ZBTB34: variants seen among roughly 807,000 people sequenced by gnomAD.
ZBTB34 encodes the protein zinc finger and BTB domain containing 34, also known as zinc finger and BTB domain-containing protein 34.
In ZBTB34, 1 loss-of-function variant was observed where a neutral mutation model predicts 33.4. The ratio of observed to expected loss-of-function variants is 0.03; its 90% CI spans 0.01 to 0.14. The LOEUF is 0.14. Among genes scored for constraint, ZBTB34 ranks in the 10% least tolerant of loss-of-function variants. ZBTB34 has a pLI of 1.00. For synonymous variants in ZBTB34, 283 were observed against 253.5 expected (o/e 1.12, Z -1.11); for missense variants, 406 against 657.2 (o/e 0.62, Z 4.18).
At chr9:126,871,180 GGGGTGT>G (rs1387810622) in intron 1 of ZBTB34, among the ~76,000 whole-genome samples, 4,365 of 68,988 alleles carry the variant, frequency 0.063, 102 homozygotes, top group Middle Eastern at 0.13. Flanking sequence ...GTAAGTGAGG[GGGGTGT>G]GTGTGTGTGT....
In ZBTB34 at chr9:126,877,052, G is replaced by T. The variant is rs1430905704; in HGVS notation, c.-10-2338G>T. ...TTAGTTATTTTCCTACTGTCTTTGG[G>T]CATCATTTGTTTTTCCTTTTCTGAC... On this transcript the variant is annotated intron_variant, in intron 1 of 1. Transcript: ENST00000319119. Among the ~76,000 whole-genome samples, 11 of 152,176 alleles carry T rather than the reference G, an allele frequency of 7.2e-5. No homozygotes were observed. In the East Asian group the frequency reaches 2.1e-3, roughly 29 times the overall value.
rs779656491 is a variant in ZBTB34 at position 126,880,494 on chromosome 9, G to A, written c.1095G>A (p.Ala365=). The change falls in exon 2 of 2, where the codon GCG becomes GCA. Residue 365 remains alanine (A), a synonymous_variant. Coordinates refer to ENST00000319119, the Ensembl canonical transcript of ZBTB34. This position sits in a 1 kb window ranked among gnomAD's most constrained non-coding sequence, Gnocchi z 6.7. Reference sequence around the variant, plus strand: ...AGAGCAGTCCCCGGGAGAGGAGTGCGAGAGGGCATTGGTACCCGTACAATG... The same window carrying A: ...AGAGCAGTCCCCGGGAGAGGAGTGCAAGAGGGCATTGGTACCCGTACAATG... 16 of 1,613,696 alleles carry A rather than the reference G, an allele frequency of 9.9e-6. No homozygotes were observed. Among genetic ancestry groups the A allele is most frequent in the African/African-American group, 1.3e-5 (1 of 74,932 alleles).
At chr9:126,874,646 C>G (rs914677560) in intron 1 of ZBTB34, among the ~76,000 whole-genome samples, 1 of 152,170 alleles carries the variant, frequency 6.6e-6, no homozygotes, top group South Asian at 2.1e-4. Context: ...AGTCTGATTT[C>G]TACCTTGACA....
At chr9:126,873,237 GAGAA>G (rs555523644) in intron 1 of ZBTB34, among the ~76,000 whole-genome samples, 81 of 152,182 alleles carry the variant, frequency 5.3e-4, no homozygotes, top group Non-Finnish European at 1.0e-3. Context: ...TTGCCAATTT[GAGAA>G]AGAAGTATTT....
At chr9:126,883,521 T>C (rs1241494370) in exon 2 of ZBTB34, 2 of 167,104 alleles carry the variant, frequency 1.2e-5, no homozygotes, top group East Asian at 3.8e-4. Context: ...AAATTGTCTT[T>C]GACAAAAATA....
intron 1 of ZBTB34, among the ~76,000 whole-genome samples, chr9:126,864,012 C>T (rs2033171979): frequency 6.6e-6 from 1 of 152,224 alleles, no homozygotes; most frequent in Non-Finnish European, 1.5e-5. Context: ...ATCACAGTGT[C>T]AGACCCAGCC....
At chr9:126,869,791 A>G (rs1206409642) in intron 1 of ZBTB34, among the ~76,000 whole-genome samples, 1 of 152,214 alleles carries the variant, frequency 6.6e-6, no homozygotes, top group East Asian at 1.9e-4. Context: ...AAATTAAAGA[A>G]ATTGAAAGAG....
intron 1 of ZBTB34, among the ~76,000 whole-genome samples, chr9:126,873,754 G>A (rs143467546): frequency 5.3e-5 from 8 of 151,834 alleles, no homozygotes; most frequent in African/African-American, 1.7e-4. Flanking sequence ...ACAGGCTCCC[G>A]CCACCACGCC....
intron 1 of ZBTB34, among the ~76,000 whole-genome samples, chr9:126,868,102 G>T (rs1161940638): frequency 6.6e-6 from 1 of 152,106 alleles, no homozygotes; most frequent in Non-Finnish European, 1.5e-5. Flanking sequence ...CATGATGGTC[G>T]CTTGCTCTTC....
At chr9:126,871,182 GGTGTGTGTGT>G (rs1051590372) in intron 1 of ZBTB34, among the ~76,000 whole-genome samples, 6 of 122,372 alleles carry the variant, frequency 4.9e-5, no homozygotes, top group Non-Finnish European at 1.1e-4. Context: ...AAGTGAGGGG[GGTGTGTGTGT>G]GTGTGTGTGT....
chr9:126,881,850 G>GTA (rs1487131242), exon 2 of ZBTB34: 1 of 166,906 alleles, frequency 6.0e-6, no homozygotes, highest in Non-Finnish European at 1.5e-5. Flanking sequence ...TACATACCAG[G>GTA]TAACTAAATC....
Position 126,877,291 on chromosome 9 carries a change from A to G in ZBTB34, c.-10-2099A>G, listed in dbSNP as rs77025013. 4.4e-4 allele frequency among the ~76,000 whole-genome samples: 67 copies of G among 152,268 alleles called. No homozygotes were observed. In the East Asian group the frequency reaches 8.3e-3, roughly 19 times the overall value. On this transcript the variant is annotated intron_variant, in intron 1 of 1. Transcript: ENST00000319119. Reference sequence around the variant, plus strand: ...CCATGTAGACTCTACAATTGTTAACATTTTACTGTGTTTGCTTTATCACAT... The same window carrying G: ...CCATGTAGACTCTACAATTGTTAACGTTTTACTGTGTTTGCTTTATCACAT...
rs142138134 is a variant in ZBTB34, at chr9:126,871,005, G to GATAC, written c.-10-8384_-10-8381dup. On this transcript the variant is annotated intron_variant, in intron 1 of 1. Coordinates refer to ENST00000319119, the Ensembl canonical transcript of ZBTB34. ...TTTGGCTGAAAAAGTGAAAGGGTTC[G>GATAC]ATACCCATTGCTGGCCACTATGGGG... Among the ~76,000 whole-genome samples, 958 of 152,192 alleles carry GATAC rather than the reference G, an allele frequency of 6.3e-3. 38 individuals are homozygous for GATAC. The East Asian group carries it at 0.1, about 16-fold the overall frequency.
chr9:126,867,959 T>C (rs986211992), intron 1 of ZBTB34, among the ~76,000 whole-genome samples: 1 of 152,204 alleles, frequency 6.6e-6, no homozygotes, highest in African/African-American at 2.4e-5. Flanking sequence ...GACCCTCTAA[T>C]GTTACATATA....
rs548103991 is a variant in ZBTB34 at position 126,873,729 on chromosome 9, C to T, written c.-10-5661C>T. ...AAGCGATTCTCCTGCCTCGGCCTCC[C>T]GAGTAGCTGGAATTACAGGCTCCCG... On this transcript the variant is annotated intron_variant, in intron 1 of 1. Transcript: ENST00000319119. 7.2e-5 allele frequency among the ~76,000 whole-genome samples: 11 copies of T among 152,160 alleles called. No homozygotes were observed. In the South Asian group the frequency reaches 1.0e-3, roughly 14 times the overall value.
At chr9:126,872,905 TC>T (rs2033299752) in intron 1 of ZBTB34, among the ~76,000 whole-genome samples, 1 of 152,228 alleles carries the variant, frequency 6.6e-6, no homozygotes, top group Non-Finnish European at 1.5e-5. Flanking sequence ...ATCATGGCGT[TC>T]CGTTTTTCTC....
At chr9:126,864,133 G>A (rs111997817) in intron 1 of ZBTB34, among the ~76,000 whole-genome samples, 1 of 152,114 alleles carries the variant, frequency 6.6e-6, no homozygotes, top group African/African-American at 2.4e-5. Context: ...CAGTATGCCT[G>A]GATTAAAATC....
chr9:126,865,608 T>G (rs2033190152), intron 1 of ZBTB34, among the ~76,000 whole-genome samples: 1 of 152,224 alleles, frequency 6.6e-6, no homozygotes, highest in African/African-American at 2.4e-5. Flanking sequence ...GGGTCAGCAG[T>G]GTGAGAGGAT....
intron 1 of ZBTB34, among the ~76,000 whole-genome samples, chr9:126,876,543 A>G (rs1420948300): frequency 6.6e-6 from 1 of 152,010 alleles, no homozygotes; most frequent in Non-Finnish European, 1.5e-5. Flanking sequence ...ATAATATATT[A>G]TTTTAATAGG....
Sources: allele counts gnomAD v4.1 joint callset (sites outside exome capture counted in the v4.1 genomes callset), GRCh38; gene constraint gnomAD v4.1.1; non-coding constraint Gnocchi (gnomAD v3.1); transcripts MANE v1.5; gene names NCBI Gene and HGNC (gene_info 2026-07-23, HGNC 2026-07-21).